The following EDIL3 variants were observed in gnomAD, a reference collection of about 807,000 sequenced individuals.
EDIL3 encodes EGF like and discoidin domains 3, also known as EGF-like repeat and discoidin I-like domain-containing protein 3.
In EDIL3, 37 loss-of-function variants were observed where a neutral mutation model predicts 67.4. The ratio of observed to expected loss-of-function variants is 0.55; its 90% CI spans 0.42 to 0.72. The LOEUF is 0.72. Among genes scored for constraint, EDIL3 ranks in the 30% least tolerant of loss-of-function variants. The pLI is 0.00. For missense variants in EDIL3, 527 were observed against 586.3 expected (o/e 0.90, Z 1.04); for synonymous variants, 195 against 196.3 (o/e 0.99, Z 0.05).
chr5:84,231,103 TTACTAGGCAA>T (rs968313728), intron 2 of EDIL3, among the ~76,000 whole-genome samples: 15 of 152,282 alleles, frequency 9.9e-5, no homozygotes, highest in Middle Eastern at 3.4e-3. Context: ...GATTGAGGTA[TTACTAGGCAA>T]TATCAATGTA....
intron 10 of EDIL3, among the ~76,000 whole-genome samples, chr5:83,945,031 A>G (rs1744287961): frequency 6.6e-6 from 1 of 152,026 alleles, no homozygotes; most frequent in African/African-American, 2.4e-5. Context: ...CTGGAAAGAA[A>G]AAAATCATAT....
chr5:84,355,610 C>T lies in EDIL3; in HGVS notation c.67+28698G>A, dbSNP rs370943637. On this transcript the variant is annotated intron_variant, in intron 1 of 10. Coordinates refer to ENST00000296591, the MANE Select transcript of EDIL3 (RefSeq NM_005711.5). ...ACCCTGTTTGCCTAGGTATCACCAG[C>T]GGAGGCTGCAGAACAGCAAATATTG... is the stretch of plus-strand genomic sequence containing the variant. Among the ~76,000 whole-genome samples, 62 of 152,228 alleles carry T rather than the reference C, an allele frequency of 4.1e-4. No homozygotes were observed. In the East Asian group the frequency reaches 9.5e-3, roughly 23 times the overall value.
chr5:84,313,534 G>C (rs937432516), intron 1 of EDIL3, among the ~76,000 whole-genome samples: 1 of 152,172 alleles, frequency 6.6e-6, no homozygotes, highest in African/African-American at 2.4e-5. Flanking sequence ...TAGTCATTAA[G>C]TCTTCCTGAT....
At chr5:84,363,431 T>C (rs1054933510) in intron 1 of EDIL3, among the ~76,000 whole-genome samples, 7 of 146,722 alleles carry the variant, frequency 4.8e-5, no homozygotes, top group African/African-American at 1.3e-4. Flanking sequence ...GCCTGGTGAC[T>C]GAGCAAGACT....
Position 84,100,754 on chromosome 5 carries a change from G to A in EDIL3, c.651+5895C>T, listed in dbSNP as rs184869109. 4.6e-5 allele frequency among the ~76,000 whole-genome samples: 7 copies of A among 152,014 alleles called. No individual in the cohort carries two copies. The East Asian group carries it at 1.4e-3, about 29-fold the overall frequency. On this transcript the variant is annotated intron_variant, in intron 6 of 10. Coordinates refer to ENST00000296591, the MANE Select transcript of EDIL3 (RefSeq NM_005711.5). Reference sequence around the variant, plus strand: ...AAAACATCTGATAATATTTCTTAGCGATACCTATATTTCTTTGAGAAATTG... The same window carrying A: ...AAAACATCTGATAATATTTCTTAGCAATACCTATATTTCTTTGAGAAATTG...
chr5:84,156,602 C>A (rs1342740765), intron 4 of EDIL3, among the ~76,000 whole-genome samples: 1 of 152,170 alleles, frequency 6.6e-6, no homozygotes, highest in Non-Finnish European at 1.5e-5. Context: ...TATGTATGCT[C>A]AGTTTGCTAT....
At chr5:83,967,954 G>A (rs532111038) in intron 9 of EDIL3, among the ~76,000 whole-genome samples, 2 of 152,200 alleles carry the variant, frequency 1.3e-5, no homozygotes, top group African/African-American at 4.8e-5. Context: ...CATAGAGTTT[G>A]TAAAATTAAC....
At chr5:83,951,925 C>G (rs1294235951) in intron 10 of EDIL3, among the ~76,000 whole-genome samples, 1 of 151,716 alleles carries the variant, frequency 6.6e-6, no homozygotes, top group Non-Finnish European at 1.5e-5. Flanking sequence ...CTGGCATAGG[C>G]AATACTTGTG....
At chr5:84,129,679 T>C (rs1276308551) in intron 5 of EDIL3, among the ~76,000 whole-genome samples, 1 of 152,158 alleles carries the variant, frequency 6.6e-6, no homozygotes, top group Non-Finnish European at 1.5e-5. Flanking sequence ...TTATATGGAA[T>C]AAAATAGGAT....
At chr5:84,213,206 C>T (rs1309892706) in intron 3 of EDIL3, among the ~76,000 whole-genome samples, 3 of 146,964 alleles carry the variant, frequency 2.0e-5, no homozygotes, top group African/African-American at 2.5e-5. Flanking sequence ...TTTTTTTTGA[C>T]GATCTTATAA....
rs890591994 is a variant in EDIL3, at chr5:84,125,364, T to C, written c.469+11877A>G. 2.6e-5 allele frequency among the ~76,000 whole-genome samples: 4 copies of C among 152,020 alleles called. 1 individual carries two copies. In the South Asian group the frequency reaches 6.2e-4, roughly 24 times the overall value. ...ATTGCCACAGCCATTTTGCAAAATG[T>C]CTAAGTTTTTAGACGATAAGTCATT... On this transcript the variant is annotated intron_variant, in intron 5 of 10. Coordinates refer to ENST00000296591, the MANE Select transcript of EDIL3 (RefSeq NM_005711.5).
intron 5 of EDIL3, among the ~76,000 whole-genome samples, chr5:84,128,411 T>C (rs186681133): frequency 6.6e-6 from 1 of 152,212 alleles, no homozygotes; most frequent in African/African-American, 2.4e-5. Flanking sequence ...AACCTCACTC[T>C]GACAGTCGGC....
chr5:84,023,206 C>A (rs557847919), intron 9 of EDIL3, among the ~76,000 whole-genome samples: 1 of 151,808 alleles, frequency 6.6e-6, no homozygotes, highest in African/African-American at 2.4e-5. Flanking sequence ...ATGGAATTAT[C>A]GTGTGGTATA....
intron 1 of EDIL3, among the ~76,000 whole-genome samples, chr5:84,309,295 CTT>C (rs1746333038): frequency 7.6e-6 from 1 of 131,048 alleles, no homozygotes; most frequent in South Asian, 2.4e-4. Flanking sequence ...TGTTTTTCCT[CTT>C]TCTTTTTTTT....
intron 1 of EDIL3, among the ~76,000 whole-genome samples, chr5:84,324,461 G>T (rs1164235367): frequency 1.3e-5 from 2 of 151,776 alleles, no homozygotes; most frequent in Non-Finnish European, 2.9e-5. Context: ...TATATTAGAA[G>T]TAAGAAGATC....
At chr5:84,119,606 T>C (rs866063804) in intron 5 of EDIL3, among the ~76,000 whole-genome samples, 4 of 152,134 alleles carry the variant, frequency 2.6e-5, no homozygotes, top group Admixed American at 6.6e-5. Context: ...CTTTTCTTCA[T>C]TGTGGTACAA....
At chr5:84,281,394 A>C (rs1745699236) in intron 1 of EDIL3, among the ~76,000 whole-genome samples, 1 of 152,200 alleles carries the variant, frequency 6.6e-6, no homozygotes, top group African/African-American at 2.4e-5. Context: ...TGCCTTTTGC[A>C]ACCCACATTC....
intron 9 of EDIL3, among the ~76,000 whole-genome samples, chr5:83,999,240 C>T (rs574798488): frequency 6.6e-6 from 1 of 152,066 alleles, no homozygotes; most frequent in African/African-American, 2.4e-5. Context: ...GCCCAGAAAT[C>T]GATGAACATC....
intron 1 of EDIL3, among the ~76,000 whole-genome samples, chr5:84,352,769 C>T (rs958496663): frequency 6.6e-6 from 1 of 151,986 alleles, no homozygotes; most frequent in Admixed American, 6.6e-5. Flanking sequence ...CACAACTGCA[C>T]TTATAGCCCT....
Sources: allele counts gnomAD v4.1 joint callset (sites outside exome capture counted in the v4.1 genomes callset), GRCh38; gene constraint gnomAD v4.1.1; transcripts MANE v1.5; gene names NCBI Gene and HGNC (gene_info 2026-07-23, HGNC 2026-07-21).